Variants in ELAPOR2 observed in about 807,000 individuals in gnomAD.
The protein encoded by ELAPOR2 is endosome-lysosome associated apoptosis and autophagy regulator family member 2, also known as endosome/lysosome-associated apoptosis and autophagy regulator family member 2.
ELAPOR2 carries 89 observed loss-of-function variants against 120.7 expected under a neutral mutation model. The observed-to-expected ratio is 0.74, with a 90% confidence interval of 0.62 to 0.88. The LOEUF (loss-of-function observed/expected upper bound fraction) is 0.88, where lower values mean the gene tolerates loss of function less well. Ranked by LOEUF, ELAPOR2 falls within the 40% of genes least tolerant of loss-of-function variation. The pLI is 0.00. For synonymous variants in ELAPOR2, 444 were observed against 444.9 expected, an observed-to-expected ratio of 1.00 and a Z score of 0.03; for missense variants, 1,134 against 1,251.6, an observed-to-expected ratio of 0.91 and a Z score of 1.42.
In ELAPOR2 at chr7:86,891,705, G is replaced by C. The variant is rs981270524; in HGVS notation, c.3030+19C>G. On this transcript the variant is annotated intron_variant, in intron 21 of 21. Transcript: ENST00000450689. ...CTTTATAAACACCCAGTAACACCAG[G>C]TTAAAATTCTACTCTCACCTTGGTT... 6.3e-7 allele frequency: 1 copy of C among 1,599,178 alleles called. No homozygotes were observed. The highest frequency in any genetic ancestry group is 1.3e-5 in the African/African-American group (1 of 74,286).
intron 1 of ELAPOR2, among the ~76,000 whole-genome samples, chr7:87,015,733 A>G (rs901481457): frequency 6.6e-6 from 1 of 152,062 alleles, no homozygotes; most frequent in Admixed American, 6.6e-5. Context: ...GCTACTCCCA[A>G]CTGCTCCCAG....
At chr7:86,938,033 C>T (rs1790638909) in intron 8 of ELAPOR2, 93 bp downstream of exon 8, 4 of 940,026 alleles carry the variant, frequency 4.3e-6, no homozygotes, top group East Asian at 5.4e-5. Flanking sequence ...ATACGTGTGT[C>T]ATAAATATCT....
At chr7:87,048,669 G>A (rs1795018849) in intron 1 of ELAPOR2, among the ~76,000 whole-genome samples, 1 of 152,152 alleles carries the variant, frequency 6.6e-6, no homozygotes, top group African/African-American at 2.4e-5. Context: ...CGCTTGAGGG[G>A]ACAGATAACT....
chr7:86,972,577 CAAGT>C (rs1199392405), intron 1 of ELAPOR2, among the ~76,000 whole-genome samples: 33 of 144,066 alleles, frequency 2.3e-4, no homozygotes, highest in Middle Eastern at 3.8e-3. Flanking sequence ...TCAGGGACAT[CAAGT>C]AAGAAAAAAA....
At chr7:86,927,246 A>G (rs549178791) in intron 8 of ELAPOR2, among the ~76,000 whole-genome samples, 2 of 152,142 alleles carry the variant, frequency 1.3e-5, no homozygotes, top group East Asian at 1.9e-4. Flanking sequence ...CATAGCTGAC[A>G]TAAGTTTCTA....
At chr7:86,938,984 C>G (rs1207166648) in intron 6 of ELAPOR2, 24 bp from the exon 7 acceptor site, 1 of 1,611,974 alleles carries the variant, frequency 6.2e-7, no homozygotes, top group Admixed American at 1.7e-5. Context: ...AAAAACAGAG[C>G]ATGGGAGGGG....
intron 1 of ELAPOR2, among the ~76,000 whole-genome samples, chr7:87,044,961 A>G (rs1399203089): frequency 2.0e-5 from 3 of 147,654 alleles, no homozygotes; most frequent in Non-Finnish European, 3.0e-5. Flanking sequence ...ATGAACAGAC[A>G]CTTCTCAAAA....
chr7:86,973,751 A>C (rs1792181921), intron 1 of ELAPOR2, among the ~76,000 whole-genome samples: 1 of 152,148 alleles, frequency 6.6e-6, no homozygotes, highest in Non-Finnish European at 1.5e-5. Context: ...TGATAAAAAG[A>C]AGGTGGGGCA....
At chr7:87,039,047 A>G (rs1794677568) in intron 1 of ELAPOR2, among the ~76,000 whole-genome samples, 1 of 152,162 alleles carries the variant, frequency 6.6e-6, no homozygotes, top group African/African-American at 2.4e-5. Context: ...AAAAGAAGAT[A>G]CAAATAAATA....
intron 2 of ELAPOR2, among the ~76,000 whole-genome samples, chr7:86,960,411 T>C (rs1791657570): frequency 6.6e-6 from 1 of 151,984 alleles, no homozygotes; most frequent in African/African-American, 2.4e-5. Flanking sequence ...CCACCACACC[T>C]GGCTGATTTT....
rs1384509092 is a variant in ELAPOR2, at chr7:86,905,075, GA to G, written c.2558+2594del. Among the ~76,000 whole-genome samples, 169 of 53,430 alleles carry G rather than the reference GA, an allele frequency of 3.2e-3. 1 individual carries two copies. The highest frequency in any genetic ancestry group is 0.017 in the African/African-American group (155 of 9,290). 35.1% of individuals were successfully genotyped at this position (53,430 alleles called of 152,430 possible). A position where few individuals can be genotyped will look rare whatever the true frequency, so the allele number is the denominator to read the frequency against. On this transcript the variant is annotated intron_variant, in intron 18 of 21. Transcript: ENST00000450689. Reference sequence around the variant, plus strand: ...AATGAGAAAGACAGAGAGAGAGAAGGAAGGAAGGAAGGAAGGAAGGAAGGAA... The same window carrying G: ...AATGAGAAAGACAGAGAGAGAGAAGGAGGAAGGAAGGAAGGAAGGAAGGAA...
At chr7:86,915,091 G>A (rs749773150) in intron 12 of ELAPOR2, among the ~76,000 whole-genome samples, 5 of 151,952 alleles carry the variant, frequency 3.3e-5, no homozygotes, top group Non-Finnish European at 7.4e-5. Context: ...ACTTGAAAGA[G>A]GTCTCAAATC....
intron 2 of ELAPOR2, among the ~76,000 whole-genome samples, chr7:86,952,089 T>C (rs1253479207): frequency 6.6e-6 from 1 of 152,218 alleles, no homozygotes; most frequent in Non-Finnish European, 1.5e-5. Flanking sequence ...AGTCAAAGTG[T>C]CACCTTGTTC....
intron 1 of ELAPOR2, among the ~76,000 whole-genome samples, chr7:86,982,741 G>C (rs1473812237): frequency 2.0e-5 from 3 of 152,212 alleles, no homozygotes; most frequent in African/African-American, 7.2e-5. Context: ...AACCAGAGGA[G>C]AAAAGCTGAA....
intron 1 of ELAPOR2, among the ~76,000 whole-genome samples, chr7:87,016,960 A>G (rs1055504897): frequency 2.0e-5 from 3 of 152,150 alleles, no homozygotes; most frequent in African/African-American, 7.2e-5. Flanking sequence ...ATAAAGATAG[A>G]AAACAAGTCT....
At chr7:87,018,849 T>C in intron 1 of ELAPOR2, among the ~76,000 whole-genome samples, 1 of 152,232 alleles carries the variant, frequency 6.6e-6, no homozygotes, top group Non-Finnish European at 1.5e-5. Context: ...GTAGTTTTTT[T>C]ATAAGTCACT....
intron 1 of ELAPOR2, among the ~76,000 whole-genome samples, chr7:87,023,422 A>T (rs1023558847): frequency 9.9e-5 from 15 of 152,186 alleles, no homozygotes; most frequent in African/African-American, 3.6e-4. Flanking sequence ...CCATTGGTCT[A>T]TATCTCTGTT....
chr7:86,985,476 A>G (rs1470364776), intron 1 of ELAPOR2, among the ~76,000 whole-genome samples: 4 of 152,238 alleles, frequency 2.6e-5, no homozygotes, highest in Non-Finnish European at 4.4e-5. Flanking sequence ...GCAGCACATC[A>G]AAAAGCTTAT....
intron 2 of ELAPOR2, among the ~76,000 whole-genome samples, chr7:86,952,134 C>T (rs1352593719): frequency 1.3e-5 from 2 of 152,208 alleles, no homozygotes; most frequent in Admixed American, 1.3e-4. Flanking sequence ...TATCTCACCA[C>T]TCTGCATATG....
Sources: allele counts gnomAD v4.1 joint callset (sites outside exome capture counted in the v4.1 genomes callset), GRCh38; gene constraint gnomAD v4.1.1; transcripts MANE v1.5; gene names NCBI Gene and HGNC (gene_info 2026-07-23, HGNC 2026-07-21).